Variants in P2RX4 observed in about 807,000 individuals in gnomAD.
The protein encoded by P2RX4 is purinergic receptor P2X 4.
A neutral mutation model predicts 48.0 loss-of-function variants in P2RX4; 37 were observed. The observed-to-expected ratio is 0.77, with a 90% confidence interval of 0.59 to 1.01. P2RX4 has a LOEUF of 1.01. Among genes scored for constraint, P2RX4 ranks in the 50% least tolerant of loss-of-function variants. The pLI is 0.00. For synonymous variants in P2RX4, 200 were observed against 199.7 expected (o/e 1.00, Z -0.01); for missense variants, 501 against 521.4 (o/e 0.96, Z 0.38).
intron 2 of P2RX4, 61 bp from the exon 3 acceptor site, chr12:121,221,852 C>T: frequency 6.9e-7 from 1 of 1,444,454 alleles, no homozygotes; most frequent in Non-Finnish European, 9.8e-7. Flanking sequence ...CAGCGTCTGC[C>T]TTTCTTGGCT....
At chr12:121,225,940 G>A (rs1054903582) in intron 5 of P2RX4, among the ~76,000 whole-genome samples, 5 of 151,680 alleles carry the variant, frequency 3.3e-5, no homozygotes, top group African/African-American at 1.2e-4. Context: ...CAGTGATAAC[G>A]ATCATGGCTC....
chr12:121,212,662 G>T (rs1415269003), intron 1 of P2RX4, among the ~76,000 whole-genome samples: 4 of 149,356 alleles, frequency 2.7e-5, no homozygotes, highest in Non-Finnish European at 5.9e-5. Flanking sequence ...AGTGGCTAAT[G>T]CCTGTAATCC....
intron 2 of P2RX4, among the ~76,000 whole-genome samples, chr12:121,219,724 G>A (rs1886473467): frequency 6.6e-6 from 1 of 151,808 alleles, no homozygotes; most frequent in African/African-American, 2.4e-5. Flanking sequence ...GAAAAGAGAA[G>A]AGAAAAGAAA....
chr12:121,212,843 A>G (rs1593196454), intron 1 of P2RX4: 1 of 16,672 alleles, frequency 6.0e-5, no homozygotes, highest in African/African-American at 3.0e-4. Context: ...TTTTTTTTGG[A>G]GACTCACTGC....
At chr12:121,216,835 A>G in intron 1 of P2RX4, 2 of 632,568 alleles carry the variant, frequency 3.2e-6, no homozygotes. Context: ...AAAAAAAAAG[A>G]GAAAATGCTC....
chr12:121,216,096 A>T (rs2136217892), intron 1 of P2RX4: 1 of 152,366 alleles, frequency 6.6e-6, no homozygotes, highest in East Asian at 1.9e-4. Context: ...GAGCTAAAAA[A>T]CAAACTTTTT....
At chr12:121,228,123 C>G in intron 5 of P2RX4, among the ~76,000 whole-genome samples, 1 of 151,834 alleles carries the variant, frequency 6.6e-6, no homozygotes, top group East Asian at 1.9e-4. Flanking sequence ...GGCGTGATGG[C>G]TTATGCCTGT....
chr12:121,228,367 C>CAA (rs1178066693), intron 5 of P2RX4, among the ~76,000 whole-genome samples, 166 bp from the exon 6 acceptor site: 3,682 of 80,736 alleles, frequency 0.046, 232 homozygotes, highest in Non-Finnish European at 0.066. Context: ...GACTCCATCT[C>CAA]AAAAAAAAAA....
chr12:121,223,712 C>CG (rs113072675), intron 5 of P2RX4, among the ~76,000 whole-genome samples: 4 of 152,066 alleles, frequency 2.6e-5, no homozygotes, highest in South Asian at 2.1e-4. Flanking sequence ...GCGTGCACAG[C>CG]GGGGGGGCAG....
chr12:121,221,149 C>T (rs78991891), intron 2 of P2RX4, among the ~76,000 whole-genome samples: 11 of 125,184 alleles, frequency 8.8e-5, no homozygotes, highest in Admixed American at 2.5e-4. Flanking sequence ...TTTGTGTGTG[C>T]GTGTGTCTGT....
chr12:121,219,179 G>A (rs942597821), intron 2 of P2RX4, among the ~76,000 whole-genome samples: 6 of 152,298 alleles, frequency 3.9e-5, no homozygotes, highest in African/African-American at 7.2e-5. Flanking sequence ...GACAGGTGGC[G>A]GGAGAGAGGC....
At chr12:121,233,386 G>T (rs144652663) in intron 11 of P2RX4, 137 bp from the exon 12 acceptor site, 26 of 861,978 alleles carry the variant, frequency 3.0e-5, no homozygotes, top group South Asian at 1.5e-4. Flanking sequence ...TGCACCTTGC[G>T]GAACAGGAAG....
chr12:121,215,924 A>G (rs961455713), intron 1 of P2RX4: 3 of 152,112 alleles, frequency 2.0e-5, no homozygotes, highest in African/African-American at 7.2e-5. Flanking sequence ...TTCTTGGGGG[A>G]AAAGTAAGAA....
At chr12:121,221,475 C>CTTG in intron 2 of P2RX4, among the ~76,000 whole-genome samples, 1 of 149,992 alleles carries the variant, frequency 6.7e-6, no homozygotes, top group Non-Finnish European at 1.5e-5. Context: ...CTCGCTGCAA[C>CTTG]CTCCGACTCC....
intron 11 of P2RX4, 70 bp downstream of exon 11, chr12:121,233,162 C>A: frequency 8.9e-7 from 1 of 1,121,788 alleles, no homozygotes; most frequent in South Asian, 1.4e-5. Flanking sequence ...TGGGCGTGGG[C>A]CTGTCTGGGG....
intron 5 of P2RX4, among the ~76,000 whole-genome samples, chr12:121,225,363 T>C (rs1286133366): frequency 7.3e-5 from 11 of 150,234 alleles, no homozygotes; most frequent in Admixed American, 7.3e-4. Flanking sequence ...TGTGAGCCAC[T>C]GCACCCAGCC....
intron 2 of P2RX4, 106 bp downstream of exon 2, chr12:121,217,387 G>A: frequency 9.0e-7 from 1 of 1,112,826 alleles, no homozygotes; most frequent in Non-Finnish European, 1.3e-6. Context: ...CATCACCAAT[G>A]CCCAGAATGA....
chr12:121,220,113 T>C (rs773247512), intron 2 of P2RX4, among the ~76,000 whole-genome samples: 5 of 152,120 alleles, frequency 3.3e-5, no homozygotes, highest in African/African-American at 4.8e-5. Context: ...CCTGACCGAG[T>C]CTTCTCTAGA....
intron 1 of P2RX4, chr12:121,214,802 G>A (rs1446935418): frequency 1.3e-5 from 2 of 151,888 alleles, no homozygotes; most frequent in Admixed American, 1.3e-4. Context: ...TTTTTTTGGT[G>A]GAGGGACAGA....
Sources: gnomAD v4.1 joint callset for allele counts (sites outside exome capture counted in the v4.1 genomes callset) on GRCh38, gnomAD v4.1.1 for gene constraint, MANE v1.5 for transcripts, NCBI Gene and HGNC (gene_info 2026-07-23, HGNC 2026-07-21) for gene names.